Variants in ENTHD1 observed in about 807,000 individuals in gnomAD.
ENTHD1 encodes the protein ENTH domain containing 1.
ENTHD1 carries 23 observed loss-of-function variants against 39.1 expected under a neutral mutation model. The ratio of observed to expected loss-of-function variants is 0.59; its 90% CI spans 0.42 to 0.83. The LOEUF is 0.83. ENTHD1 is among the 40% of genes least tolerant of loss of function. The pLI is 0.00. For missense variants in ENTHD1, 624 were observed against 705.4 expected (o/e 0.88, Z 1.31); for synonymous variants, 230 against 258.2 (o/e 0.89, Z 1.05).
chr22:39,870,142 G>A (rs1269787092), intron 2 of ENTHD1, among the ~76,000 whole-genome samples: 3 of 151,828 alleles, frequency 2.0e-5, no homozygotes, highest in Admixed American at 6.6e-5. Context: ...TCAGCCTCCC[G>A]AGTGGCTGGG....
At chr22:39,886,574 A>G (rs1433508993) in intron 2 of ENTHD1, among the ~76,000 whole-genome samples, 2 of 152,158 alleles carry the variant, frequency 1.3e-5, no homozygotes, top group East Asian at 1.9e-4. Context: ...AAAAAGGTCT[A>G]TTTTTAAAAT....
intron 5 of ENTHD1, among the ~76,000 whole-genome samples, chr22:39,804,448 G>C (rs1012475053): frequency 1.2e-4 from 15 of 124,994 alleles, no homozygotes; most frequent in African/African-American, 4.7e-4. Context: ...CAAAGACTCT[G>C]TCTCAAAAAA....
In ENTHD1 at chr22:39,826,879, T is replaced by C. The variant is rs377482789; in HGVS notation, c.712-5766A>G. On this transcript the variant is annotated intron_variant, in intron 4 of 6. Coordinates refer to ENST00000325157, the MANE Select transcript of ENTHD1 (RefSeq NM_152512.4). ...AAAAAAAAAAAGATCAGAGTGACTT[T>C]TTTTAAATTTTGAGGGAGAGTCGTG... Among the ~76,000 whole-genome samples, 91 of 152,146 alleles carry C rather than the reference T, an allele frequency of 6.0e-4. 1 individual carries two copies. Among genetic ancestry groups the C allele is most frequent in the African/African-American group, 1.9e-3 (79 of 41,536 alleles).
At chr22:39,886,689 G>A (rs1601671375) in intron 2 of ENTHD1, among the ~76,000 whole-genome samples, 1 of 152,160 alleles carries the variant, frequency 6.6e-6, no homozygotes, top group African/African-American at 2.4e-5. Flanking sequence ...TAGAGAGGAA[G>A]CACTGAGCCT....
chr22:39,875,236 CT>C, intron 2 of ENTHD1: 2 of 1,078,880 alleles, frequency 1.9e-6, no homozygotes, highest in South Asian at 8.5e-5. Context: ...ATACGGTATG[CT>C]TCCATTTATA....
At chr22:39,744,366 C>T (rs904668138) in intron 6 of ENTHD1, 83 bp from the exon 7 acceptor site, 2 of 1,310,090 alleles carry the variant, frequency 1.5e-6, no homozygotes, top group Non-Finnish European at 2.1e-6. Context: ...AATGTAAAAG[C>T]CTATCTGGAA....
intron 5 of ENTHD1, among the ~76,000 whole-genome samples, chr22:39,778,919 C>A (rs1021813502): frequency 6.6e-6 from 1 of 152,114 alleles, no homozygotes; most frequent in Non-Finnish European, 1.5e-5. Flanking sequence ...GCCAGTGAAG[C>A]CTTTAAACCT....
At chr22:39,853,380 C>T (rs926095898) in intron 3 of ENTHD1, among the ~76,000 whole-genome samples, 8 of 151,794 alleles carry the variant, frequency 5.3e-5, no homozygotes, top group Admixed American at 2.0e-4. Flanking sequence ...AAAAAAAATA[C>T]AAAAGTGAGT....
intron 6 of ENTHD1, among the ~76,000 whole-genome samples, chr22:39,753,513 A>C (rs1469582654): frequency 6.6e-6 from 1 of 152,228 alleles, no homozygotes; most frequent in Non-Finnish European, 1.5e-5. Flanking sequence ...CTTTCCTGAT[A>C]GTTGAGATCC....
intron 4 of ENTHD1, among the ~76,000 whole-genome samples, chr22:39,825,177 A>G (rs891484894): frequency 1.3e-5 from 2 of 152,242 alleles, no homozygotes; most frequent in East Asian, 1.9e-4. Flanking sequence ...GGATTTATAC[A>G]TAAGTATTTT....
At chr22:39,858,413 T>C (rs2066112987) in intron 3 of ENTHD1, among the ~76,000 whole-genome samples, 1 of 152,206 alleles carries the variant, frequency 6.6e-6, no homozygotes, top group African/African-American at 2.4e-5. Flanking sequence ...CTCAAAGTCA[T>C]CCATAAGGGT....
intron 4 of ENTHD1, among the ~76,000 whole-genome samples, chr22:39,832,981 G>A (rs1447403916): frequency 1.3e-5 from 2 of 152,182 alleles, no homozygotes; most frequent in Non-Finnish European, 2.9e-5. Context: ...CTGTGCAGAA[G>A]CCGAGTGGGC....
intron 5 of ENTHD1, among the ~76,000 whole-genome samples, chr22:39,768,910 A>G (rs2065299639): frequency 6.6e-6 from 1 of 152,048 alleles, no homozygotes; most frequent in Non-Finnish European, 1.5e-5. Flanking sequence ...CTGTCGATGA[A>G]CTAATGCCAA....
chr22:39,798,964 C>T (rs1016373832), intron 5 of ENTHD1, among the ~76,000 whole-genome samples: 1 of 152,160 alleles, frequency 6.6e-6, no homozygotes, highest in Non-Finnish European at 1.5e-5. Flanking sequence ...CCTCAGGCCC[C>T]CAGAGGGAAT....
At chr22:39,849,710 G>T (rs2066020041) in intron 3 of ENTHD1, among the ~76,000 whole-genome samples, 2 of 152,026 alleles carry the variant, frequency 1.3e-5, no homozygotes, top group Non-Finnish European at 2.9e-5. Context: ...CTGATATATA[G>T]AATATAACTT....
chr22:39,751,645 G>T (rs917737138), intron 6 of ENTHD1, among the ~76,000 whole-genome samples: 1 of 152,078 alleles, frequency 6.6e-6, no homozygotes, highest in African/African-American at 2.4e-5. Context: ...GTATTGATCT[G>T]GTTTACTTGG....
At chr22:39,881,782 G>A (rs1043662245) in intron 2 of ENTHD1, among the ~76,000 whole-genome samples, 5 of 152,120 alleles carry the variant, frequency 3.3e-5, no homozygotes, top group African/African-American at 1.2e-4. Flanking sequence ...TTATAACTAG[G>A]GTAGACCTAG....
intron 2 of ENTHD1, among the ~76,000 whole-genome samples, chr22:39,863,295 G>A (rs186503615): frequency 2.1e-4 from 32 of 152,248 alleles, no homozygotes; most frequent in African/African-American, 7.0e-4. Flanking sequence ...CAGTTGGGGT[G>A]GGACAAGAAA....
At chr22:39,808,426 A>G (rs73888173) in intron 5 of ENTHD1, among the ~76,000 whole-genome samples, 14,704 of 152,230 alleles carry the variant, frequency 0.097, 792 homozygotes, top group African/African-American at 0.14. Flanking sequence ...CACAGTAGGC[A>G]TTTAGTAAAT....
Sources: allele counts gnomAD v4.1 joint callset (sites outside exome capture counted in the v4.1 genomes callset), GRCh38; gene constraint gnomAD v4.1.1; transcripts MANE v1.5; gene names NCBI Gene and HGNC (gene_info 2026-07-23, HGNC 2026-07-21).